The following ERICH1 variants were observed in gnomAD, a reference collection of about 807,000 sequenced individuals.
The protein encoded by ERICH1 is glutamate rich 1.
A neutral mutation model predicts 39.6 loss-of-function variants in ERICH1; 56 were observed. That is an observed-to-expected ratio of 1.41 (90% CI 1.14 to 1.77). The LOEUF is 1.77. Ranked by LOEUF, ERICH1 falls within the 40% of genes most tolerant of loss-of-function variation. ERICH1 has a pLI of 0.00. For synonymous variants in ERICH1, 313 were observed against 223.6 expected, an observed-to-expected ratio of 1.40 and a Z score of -3.57; for missense variants, 826 against 575.4, an observed-to-expected ratio of 1.44 and a Z score of -4.45.
chr8:689,122 CT>C (rs57288532), intron 3 of ERICH1, among the ~76,000 whole-genome samples: 1 of 151,766 alleles, frequency 6.6e-6, no homozygotes, highest in East Asian at 1.9e-4. Flanking sequence ...TCTTTTTTTT[CT>C]TTTTTTGAGG....
chr8:616,783 G>GGAGA (rs1554476058), intron 3 of ERICH1, among the ~76,000 whole-genome samples: 1 of 111,276 alleles, frequency 9.0e-6, no homozygotes, highest in Non-Finnish European at 1.8e-5. Flanking sequence ...AGAGGGAGAG[G>GGAGA]GAGAGAGATG....
chr8:685,406 G>C (rs1051147046), intron 3 of ERICH1, among the ~76,000 whole-genome samples: 2 of 152,096 alleles, frequency 1.3e-5, no homozygotes, highest in Admixed American at 1.3e-4. Flanking sequence ...CATGCTTTAC[G>C]AACAATTTGT....
At chr8:624,713 A>G (rs1215940099) in intron 3 of ERICH1, among the ~76,000 whole-genome samples, 1 of 151,010 alleles carries the variant, frequency 6.6e-6, no homozygotes, top group Non-Finnish European at 1.5e-5. Flanking sequence ...TTTTTTTTAT[A>G]TTTTTTATTT....
intron 2 of ERICH1, among the ~76,000 whole-genome samples, chr8:708,374 T>C (rs1813782825): frequency 3.3e-5 from 5 of 152,024 alleles, no homozygotes; most frequent in Admixed American, 3.3e-4. Context: ...TTACTGACAA[T>C]AGCTAAAAAG....
chr8:707,413 G>A (rs1813561099), intron 2 of ERICH1, among the ~76,000 whole-genome samples: 1 of 151,948 alleles, frequency 6.6e-6, no homozygotes, highest in African/African-American at 2.4e-5. Flanking sequence ...TCACCACGTT[G>A]GCCAGGCTGG....
At chr8:681,259 T>G (rs757823859) in intron 3 of ERICH1, among the ~76,000 whole-genome samples, 1 of 152,146 alleles carries the variant, frequency 6.6e-6, no homozygotes, top group East Asian at 1.9e-4. Context: ...GGCTACTCCA[T>G]CCCAGATCTC....
downstream of ERICH1, among the ~76,000 whole-genome samples, chr8:663,666 TA>T (rs773243064): frequency 6.6e-6 from 1 of 152,054 alleles, no homozygotes; most frequent in Non-Finnish European, 1.5e-5. Context: ...CTAAAATGAC[TA>T]AAATGAGCTG....
rs1796917598 is a variant in ERICH1, at chr8:616,662, G to T, written c.977-1378C>A. 8.8e-6 allele frequency: 4 copies of T among 453,134 alleles called. No homozygotes were observed. The Admixed American group carries it at 9.4e-5, about 11-fold the overall frequency. 28.1% of individuals were successfully genotyped at this position (453,134 alleles called of 1,614,324 possible). A position where few individuals can be genotyped will look rare whatever the true frequency, so the allele number is the denominator to read the frequency against. On this transcript the variant is annotated intron_variant, in intron 3 of 3. Coordinates refer to the ERICH1 transcript ENST00000522706. ...AGAAGGAGAGACAGACGGGGGCGCG[G>T]GGGACAGAGGCAGAGGGAGAGGAAG...
intron 3 of ERICH1, chr8:615,307 A>G (rs1161211467): frequency 3.0e-6 from 2 of 663,500 alleles, no homozygotes; most frequent in African/African-American, 1.8e-5. Context: ...GTTAAGGGAG[A>G]TCAGTTGTGT....
intron 3 of ERICH1, among the ~76,000 whole-genome samples, chr8:681,201 G>A (rs951446658): frequency 2.0e-5 from 3 of 152,124 alleles, no homozygotes; most frequent in Non-Finnish European, 2.9e-5. Flanking sequence ...AAATCGCCAC[G>A]CCCAGAGCCC....
At chr8:651,423 G>C (rs999884050) in intron 3 of ERICH1, among the ~76,000 whole-genome samples, 1 of 152,236 alleles carries the variant, frequency 6.6e-6, no homozygotes, top group Non-Finnish European at 1.5e-5. Flanking sequence ...CCGGGGCACA[G>C]AAAGTTTCCG....
chr8:618,707 G>A (rs185591892), intron 3 of ERICH1, among the ~76,000 whole-genome samples: 8 of 152,270 alleles, frequency 5.3e-5, no homozygotes, highest in South Asian at 4.2e-4. Flanking sequence ...GGAACAGCAC[G>A]CAATGGATAC....
chr8:640,065 A>G (rs971082203), intron 3 of ERICH1, among the ~76,000 whole-genome samples: 2 of 152,172 alleles, frequency 1.3e-5, no homozygotes, highest in African/African-American at 4.8e-5. Flanking sequence ...TGTACCACAC[A>G]GCTGTCATCC....
At chr8:635,459 G>A (rs1798352916) in intron 3 of ERICH1, among the ~76,000 whole-genome samples, 2 of 152,196 alleles carry the variant, frequency 1.3e-5, no homozygotes, top group South Asian at 4.1e-4. Context: ...GCTGTCTAGG[G>A]CGTTCACCTG....
At chr8:649,708 G>C (rs1446706207) in intron 3 of ERICH1, among the ~76,000 whole-genome samples, 6 of 152,174 alleles carry the variant, frequency 3.9e-5, no homozygotes, top group Admixed American at 2.0e-4. Context: ...CTGGAAGACG[G>C]GGCTCCAAGG....
rs777329885 is a variant in ERICH1 at position 715,951 on chromosome 8, T to C, written c.79A>G (p.Lys27Glu). ...LFPPVPSGQG[K>E]REPQTLAVQN... ...ACGGCCAGCGTCTGGGGTTCCCTCT[T>C]TCCTTGGCCACTTGGAACAGGAGGA... Residue 27 changes from lysine (K) to glutamate (E), a missense_variant, in exon 2 of 6, where the codon AAG (lysine) becomes GAG (glutamate). Physicochemically the swap from Lys to Glu is moderately conservative, Grantham distance 56 (BLOSUM62 1). Coordinates refer to ENST00000262109, the MANE Select transcript of ERICH1 (RefSeq NM_207332.3). 2.2e-5 allele frequency: 35 copies of C among 1,613,856 alleles called. No homozygotes were observed. In the African/African-American group the frequency reaches 4.1e-4, roughly 19 times the overall value.
At chr8:692,396 A>G (rs901182265) in intron 3 of ERICH1, 82 bp downstream of exon 3, 1 of 1,578,252 alleles carries the variant, frequency 6.3e-7, no homozygotes, top group African/African-American at 1.4e-5. Context: ...GAATTTAGAT[A>G]AAGGTATTAC....
rs188407745 is a variant in ERICH1, at chr8:706,683, C to T, written c.169+9178G>A. Among the ~76,000 whole-genome samples the T allele has an allele frequency of 1.8e-3, 273 of 152,168 alleles. 3 individuals carry two copies. Among genetic ancestry groups the T allele is most frequent in the African/African-American group, 6.3e-3 (262 of 41,538 alleles). ...AATCCCAGCTACTCAGGCTGGAGAACTGCTTAAACCCAGGAGGCGGAGGTT... is the reference window on the plus strand; with the variant it reads ...AATCCCAGCTACTCAGGCTGGAGAATTGCTTAAACCCAGGAGGCGGAGGTT... On this transcript the variant is annotated intron_variant, in intron 2 of 5. Coordinates refer to ENST00000262109, the MANE Select transcript of ERICH1 (RefSeq NM_207332.3).
intron 2 of ERICH1, among the ~76,000 whole-genome samples, chr8:703,559 C>T (rs142604677): frequency 6.6e-6 from 1 of 152,244 alleles, no homozygotes; most frequent in East Asian, 1.9e-4. Context: ...CTCCCAGGAG[C>T]CCCAGGCACC....
Sources: allele counts gnomAD v4.1 joint callset (sites outside exome capture counted in the v4.1 genomes callset), GRCh38; gene constraint gnomAD v4.1.1; transcripts MANE v1.5; gene names NCBI Gene and HGNC (gene_info 2026-07-23, HGNC 2026-07-21).